The following OR10G7 variants were observed in gnomAD, a reference collection of about 807,000 sequenced individuals.
OR10G7 encodes olfactory receptor family 10 subfamily G member 7.
For synonymous variants in OR10G7, 165 were observed against 167.4 expected, an observed-to-expected ratio of 0.99 and a Z score of 0.11; for missense variants, 338 against 382.1, an observed-to-expected ratio of 0.88 and a Z score of 0.96.
Position 124,036,943 on chromosome 11 carries a change from A to AAC in OR10G7, c.*1122_*1123insGT. 1 of 152,344 alleles carries AAC rather than the reference A, an allele frequency of 6.6e-6. No individual in the cohort carries two copies. The highest frequency in any genetic ancestry group is 1.5e-5 in the Non-Finnish European group (1 of 68,034). The allele number at this position is 152,344 out of a possible 1,614,324, so 9.4% of individuals were successfully genotyped here. A position where few individuals can be genotyped will look rare whatever the true frequency, so the allele number is the denominator to read the frequency against. The stretch of plus-strand genomic sequence containing the variant: ...GCTGCAAATCTGAGGAGTTTGAGAA[A>AAC]TGCTTTTCAGTTCTAGCAGCTGCCT... On this transcript the variant is annotated 3_prime_UTR_variant, in exon 2 of 2. Transcript: ENST00000641585.
intron 1 of OR10G7, among the ~76,000 whole-genome samples, chr11:124,039,723 G>A (rs980206143): frequency 1.1e-4 from 17 of 152,068 alleles, no homozygotes; most frequent in Non-Finnish European, 2.4e-4. Flanking sequence ...GAACCAGTCC[G>A]CACAGCAGGA....
chr11:124,038,583 C>G lies in OR10G7; in HGVS notation c.419G>C (p.Cys140Ser), dbSNP rs1208122532. The change falls in exon 2 of 2, where the codon TGT becomes TCT. Residue 140 changes from cysteine (C) to serine (S), a missense_variant. Physicochemically the swap from Cys to Ser is moderately radical, Grantham distance 112. Coordinates refer to ENST00000641585, the MANE Select transcript of OR10G7 (RefSeq NM_001004463.2). ...RYTNMMTGRS[C>S]ALLATGTWLS... ...CCAAGTGCCGGTGGCCAGGAGGGCA[C>G]ACGAGCGCCCAGTCATCATGTTGGT... The G allele has an allele frequency of 1.9e-6, 3 of 1,613,754 alleles. No individual in the cohort carries two copies. In the Admixed American group the frequency reaches 5.0e-5, roughly 27 times the overall value.
Position 124,038,057 on chromosome 11 carries a change from C to T in OR10G7, c.*9G>A. On this transcript the variant is annotated 3_prime_UTR_variant, in exon 2 of 2. Transcript: ENST00000641585. ...AAAAGAAAAGTTAGCCATATATGGCCTTTCTTAACTATTCACCCTGAGCAA... is the reference window on the plus strand; with the variant it reads ...AAAAGAAAAGTTAGCCATATATGGCTTTTCTTAACTATTCACCCTGAGCAA... 6.4e-7 allele frequency: 1 copy of T among 1,561,828 alleles called. No individual in the cohort carries two copies. The highest frequency in any genetic ancestry group is 8.7e-7 in the Non-Finnish European group (1 of 1,154,996).
intron 1 of OR10G7, among the ~76,000 whole-genome samples, chr11:124,040,569 G>A (rs192675475): frequency 4.1e-5 from 6 of 146,176 alleles, no homozygotes; most frequent in African/African-American, 1.6e-4. Context: ...CATTTTTTGT[G>A]GGGGGGGCTC....
intron 1 of OR10G7, among the ~76,000 whole-genome samples, chr11:124,039,628 C>T (rs999507674): frequency 2.0e-5 from 3 of 152,114 alleles, no homozygotes; most frequent in Non-Finnish European, 4.4e-5. Flanking sequence ...TTATGTGGAG[C>T]CGGTCTTCTG....
rs941666373 is a variant in OR10G7 at position 124,037,453 on chromosome 11, A to G, written c.*613T>C. ...ATAGTTGTCATCAGAGACCAATACA[A>G]TGTGTACAGTGTATACAGTGCATAA... On this transcript the variant is annotated 3_prime_UTR_variant, in exon 2 of 2. Coordinates refer to ENST00000641585, the MANE Select transcript of OR10G7 (RefSeq NM_001004463.2). 5 of 152,224 alleles carry G rather than the reference A, an allele frequency of 3.3e-5. No individual in the cohort carries two copies. The highest frequency in any genetic ancestry group is 2.0e-4 in the Admixed American group (3 of 15,296). 9.4% of individuals were successfully genotyped at this position (152,224 alleles called of 1,614,324 possible).
chr11:124,039,963 G>A lies in OR10G7; in HGVS notation c.-21+923C>T, dbSNP rs138804266. Among the ~76,000 whole-genome samples, 1,083 of 151,816 alleles carry A rather than the reference G, an allele frequency of 7.1e-3. 26 individuals carry two copies. The highest frequency in any genetic ancestry group is 0.024 in the African/African-American group (1,002 of 41,348). On this transcript the variant is annotated intron_variant, in intron 1 of 1. Coordinates refer to ENST00000641585, the MANE Select transcript of OR10G7 (RefSeq NM_001004463.2). ...CCATTAAACCAGAAACTGGTCCCTC[G>A]TGCCACAAACACTGGGGACCCCTGC...
Position 124,038,246 on chromosome 11 carries a change from G to A in OR10G7, c.756C>T (p.Gly252=), listed in dbSNP as rs755763606. ...SHCIVVLCFF[G]PGLFIYLRPG... The stretch of plus-strand genomic sequence containing the variant: ...GCCTCAGGTAAATGAAAAGACCAGG[G>A]CCAAAGAAGCAAAGGACCACGATAC... Residue 252 remains glycine, a synonymous_variant, in exon 2 of 2, where the codon GGC becomes GGT. Transcript: ENST00000641585. The A allele has an allele frequency of 8.1e-6, 13 of 1,614,080 alleles. No individual in the cohort carries two copies. The highest frequency in any genetic ancestry group is 9.3e-6 in the Non-Finnish European group (11 of 1,180,026).
At position 124,038,975 on chromosome 11, in the gene OR10G7, C is replaced by T. The variant is rs757564463; in HGVS notation, c.27G>A (p.Ala9=). Residue 9 remains alanine (A), a synonymous_variant, in exon 2 of 2, where the codon GCG becomes GCA. Transcript: ENST00000641585. ...CATGGGGAAGGCCCGTGAGGATGAA[C>T]GCTGTCAGTAGGGTGGCGTTGGACA... is the stretch of plus-strand genomic sequence containing the variant. MSNATLLT[A]FILTGLPHAP... 1.2e-6 allele frequency: 2 copies of T among 1,613,462 alleles called. No homozygotes were observed. Among genetic ancestry groups the T allele is most frequent in the Non-Finnish European group, 1.7e-6 (2 of 1,179,538 alleles).
intron 1 of OR10G7, among the ~76,000 whole-genome samples, chr11:124,040,453 T>G (rs1425246927): frequency 6.6e-6 from 1 of 151,986 alleles, no homozygotes; most frequent in African/African-American, 2.4e-5. Context: ...AAATTAAAAT[T>G]TATGAAGAAA....
rs189506270 is a variant in OR10G7 at position 124,037,966 on chromosome 11, G to C, written c.*100C>G. On this transcript the variant is annotated 3_prime_UTR_variant, in exon 2 of 2. Coordinates refer to ENST00000641585, the MANE Select transcript of OR10G7 (RefSeq NM_001004463.2). ...AACTGTCCAATTAAAAATTAAGACTGAATAATTGAAATGCTCCATTCAAGT... is the reference window on the plus strand; with the variant it reads ...AACTGTCCAATTAAAAATTAAGACTCAATAATTGAAATGCTCCATTCAAGT... 20 of 768,668 alleles carry C rather than the reference G, an allele frequency of 2.6e-5. No individual in the cohort carries two copies. Among genetic ancestry groups the C allele is most frequent in the Admixed American group, 1.9e-4 (6 of 31,238 alleles). The allele number at this position is 768,668 out of a possible 1,614,324, so 47.6% of individuals were successfully genotyped here.
Position 124,041,061 on chromosome 11 carries a change from A to G in OR10G7, c.-196T>C, listed in dbSNP as rs971049143. The G allele has an allele frequency of 6.6e-6, 1 of 152,170 alleles. No individual in the cohort carries two copies. The highest frequency in any genetic ancestry group is 1.5e-5 in the Non-Finnish European group (1 of 68,036). 9.4% of individuals were successfully genotyped at this position (152,170 alleles called of 1,614,324 possible). A position where few individuals can be genotyped will look rare whatever the true frequency, so the allele number is the denominator to read the frequency against. On this transcript the variant is annotated 5_prime_UTR_variant, in exon 1 of 2. Transcript: ENST00000641585. ...TCTTAGGAGACACTCCGTTAGCTCT[A>G]CAGTCCTTATGAGTGAAGATAATGT...
Position 124,036,092 on chromosome 11 carries a change from T to C in OR10G7, c.*1974A>G, listed in dbSNP as rs1203433596. 1.3e-5 allele frequency: 2 copies of C among 152,126 alleles called. No homozygotes were observed. Among genetic ancestry groups the C allele is most frequent in the African/African-American group, 4.8e-5 (2 of 41,438 alleles). The allele number at this position is 152,126 out of a possible 1,614,324, so 9.4% of individuals were successfully genotyped here. A position where few individuals can be genotyped will look rare whatever the true frequency, so the allele number is the denominator to read the frequency against. On this transcript the variant is annotated 3_prime_UTR_variant, in exon 2 of 2. Coordinates refer to ENST00000641585, the MANE Select transcript of OR10G7 (RefSeq NM_001004463.2). ...TAAAACTAGAAAAATCTGAATAAGA[T>C]TTGTGGATTATAATAATGTCAATAT...
rs748867048 is a variant in OR10G7 at position 124,038,507 on chromosome 11, C to G, written c.495G>C (p.Leu165Phe). 1.2e-6 allele frequency: 2 copies of G among 1,613,768 alleles called. No homozygotes were observed. The highest frequency in any genetic ancestry group is 1.7e-6 in the Non-Finnish European group (2 of 1,179,854). The stretch of plus-strand genomic sequence containing the variant: ...GGATCTGGTTGGGTCCACAGTAGGG[C>G]AAATGGAAAGTCAATATGGTCTGGA... ...SAVQTILTFH[L>F]PYCGPNQIQH... Residue 165 changes from leucine (L) to phenylalanine (F), a missense_variant, in exon 2 of 2, where the codon TTG (leucine) becomes TTC (phenylalanine). Coordinates refer to ENST00000641585, the MANE Select transcript of OR10G7 (RefSeq NM_001004463.2).
rs1328829721 is a variant in OR10G7 at position 124,036,276 on chromosome 11, CTT to C, written c.*1788_*1789del. ...CAATTAAATAAAGACTGACATTCTT[CTT>C]ATATATGTTTATCAATAATTTACTT... On this transcript the variant is annotated 3_prime_UTR_variant, in exon 2 of 2. Transcript: ENST00000641585. The C allele has an allele frequency of 1.3e-5, 2 of 152,162 alleles. No homozygotes were observed. Among genetic ancestry groups the C allele is most frequent in the African/African-American group, 4.8e-5 (2 of 41,442 alleles). 9.4% of individuals were successfully genotyped at this position (152,162 alleles called of 1,614,324 possible).
chr11:124,036,293 A>G lies in OR10G7; in HGVS notation c.*1773T>C, dbSNP rs149902626. On this transcript the variant is annotated 3_prime_UTR_variant, in exon 2 of 2. Transcript: ENST00000641585. ...ACATTCTTCTTATATATGTTTATCA[A>G]TAATTTACTTTCAAAATGGTTGTGT... 1 of 152,326 alleles carries G rather than the reference A, an allele frequency of 6.6e-6. No individual in the cohort carries two copies. The highest frequency in any genetic ancestry group is 2.4e-5 in the African/African-American group (1 of 41,578). The allele number at this position is 152,326 out of a possible 1,614,324, so 9.4% of individuals were successfully genotyped here. A position where few individuals can be genotyped will look rare whatever the true frequency, so the allele number is the denominator to read the frequency against.
At position 124,038,175 on chromosome 11, in the gene OR10G7, G is replaced by T. The variant is rs747090731; in HGVS notation, c.827C>A (p.Thr276Asn). The T allele has an allele frequency of 6.8e-6, 11 of 1,614,002 alleles. No individual in the cohort carries two copies. Among genetic ancestry groups the T allele is most frequent in the Middle Eastern group, 1.6e-4 (1 of 6,084 alleles). Residue 276 changes from threonine (T) to asparagine (N), a missense_variant, in exon 2 of 2, where the codon ACC becomes AAC. Physicochemically the swap from Thr to Asn is moderately conservative, Grantham distance 65. Coordinates refer to ENST00000641585, the MANE Select transcript of OR10G7 (RefSeq NM_001004463.2). ...AGGGTTGAAAAGAGGAGTCAGCGTG[G>T]TGTAGAAAACGGCCACAACCCCATG... is the stretch of plus-strand genomic sequence containing the variant. ...ALHGVVAVFY[T>N]TLTPLFNPVV...
intron 1 of OR10G7, among the ~76,000 whole-genome samples, chr11:124,040,292 C>T (rs879938744): frequency 2.0e-5 from 3 of 151,936 alleles, no homozygotes; most frequent in African/African-American, 2.4e-5. Context: ...ATAGTTATTA[C>T]AAAAATACAA....
Position 124,036,061 on chromosome 11 carries a change from C to T in OR10G7, c.*2005G>A, listed in dbSNP as rs539527561. On this transcript the variant is annotated 3_prime_UTR_variant, in exon 2 of 2. Transcript: ENST00000641585. ...TATTTAACAAATACACACACATACA[C>T]GTGAGTAAAACTAGAAAAATCTGAA... is the stretch of plus-strand genomic sequence containing the variant. 3 of 152,188 alleles carry T rather than the reference C, an allele frequency of 2.0e-5. No individual in the cohort carries two copies. The highest frequency in any genetic ancestry group is 2.9e-5 in the Non-Finnish European group (2 of 68,012). The allele number at this position is 152,188 out of a possible 1,614,324, so 9.4% of individuals were successfully genotyped here. A position where few individuals can be genotyped will look rare whatever the true frequency, so the allele number is the denominator to read the frequency against.
Sources: gnomAD v4.1 joint callset for allele counts (sites outside exome capture counted in the v4.1 genomes callset) on GRCh38, gnomAD v4.1.1 for gene constraint, MANE v1.5 for transcripts, NCBI Gene and HGNC (gene_info 2026-07-23, HGNC 2026-07-21) for gene names.